Variants in CAMK2D observed in about 807,000 individuals in gnomAD.
CAMK2D encodes the protein calcium/calmodulin dependent protein kinase II delta.
In CAMK2D, 37 loss-of-function variants were observed where a neutral mutation model predicts 84.0. The ratio of observed to expected loss-of-function variants is 0.44; its 90% CI spans 0.34 to 0.58. The LOEUF (loss-of-function observed/expected upper bound fraction) is 0.58. CAMK2D is among the 20% of genes least tolerant of loss of function. CAMK2D has a pLI of 0.02. For synonymous variants in CAMK2D, 202 were observed against 212.5 expected (o/e 0.95, Z 0.43); for missense variants, 448 against 652.5 (o/e 0.69, Z 3.41).
chr4:113,672,041 G>A (rs2099289104), intron 2 of CAMK2D, among the ~76,000 whole-genome samples: 2 of 151,954 alleles, frequency 1.3e-5, no homozygotes, highest in Non-Finnish European at 2.9e-5. Context: ...TCCTTGTTAT[G>A]CTTATGAAAA....
intron 17 of CAMK2D, 86 bp downstream of exon 17, chr4:113,465,443 G>A (rs2097446670): frequency 1.3e-6 from 1 of 783,442 alleles, no homozygotes; most frequent in Non-Finnish European, 2.2e-6. Flanking sequence ...TTAAATATAT[G>A]TGAATTCAGA....
In CAMK2D at chr4:113,761,551, A is replaced by G. The variant is rs1365914092; in HGVS notation, c.-483T>C. The G allele has an allele frequency of 5.1e-6, 5 of 989,426 alleles. No homozygotes were observed. The highest frequency in any genetic ancestry group is 6.0e-6 in the Non-Finnish European group (5 of 832,602). 61.3% of individuals were successfully genotyped at this position (989,426 alleles called of 1,614,324 possible). ...GCCGAGGCCGCGGAGCCCAGAGCGG[A>G]CAGCCTGAGCCCAGCGGCCGCTGTC... is the stretch of plus-strand genomic sequence containing the variant. On this transcript the variant is annotated 5_prime_UTR_variant, in exon 1 of 21. Transcript: ENST00000511664.
At chr4:113,593,152 C>A (rs1395496584) in intron 4 of CAMK2D, among the ~76,000 whole-genome samples, 4 of 152,138 alleles carry the variant, frequency 2.6e-5, no homozygotes, top group Non-Finnish European at 4.4e-5. Flanking sequence ...CTGTGCCCAG[C>A]CTAAATTTAA....
At chr4:113,530,370 A>G (rs1382301444) in intron 8 of CAMK2D, among the ~76,000 whole-genome samples, 2 of 152,244 alleles carry the variant, frequency 1.3e-5, no homozygotes, top group African/African-American at 4.8e-5. Flanking sequence ...GCAACCCATC[A>G]CATGAGGTCA....
In CAMK2D at chr4:113,452,785, G is replaced by T. The variant is rs551224896; in HGVS notation, c.*1760C>A. Reference sequence around the variant, plus strand: ...ATTTTTTCACAGATCTCATTGGCAGGTTAACATGGCTCAATATATTTACTG... The same window carrying T: ...ATTTTTTCACAGATCTCATTGGCAGTTTAACATGGCTCAATATATTTACTG... On this transcript the variant is annotated 3_prime_UTR_variant, in exon 21 of 21. Coordinates refer to ENST00000511664, the MANE Select transcript of CAMK2D (RefSeq NM_001321571.2). 1.3e-5 allele frequency: 2 copies of T among 152,400 alleles called. No homozygotes were observed. Among genetic ancestry groups the T allele is most frequent in the Admixed American group, 6.6e-5 (1 of 15,256 alleles). The allele number at this position is 152,400 out of a possible 1,614,324, so 9.4% of individuals were successfully genotyped here. A position where few individuals can be genotyped will look rare whatever the true frequency, so the allele number is the denominator to read the frequency against.
chr4:113,688,264 C>G (rs1397813218), intron 2 of CAMK2D, among the ~76,000 whole-genome samples: 1 of 152,130 alleles, frequency 6.6e-6, no homozygotes, highest in African/African-American at 2.4e-5. Context: ...TCTGTGTGTT[C>G]CCAGAATTTC....
intron 4 of CAMK2D, among the ~76,000 whole-genome samples, chr4:113,606,206 C>T (rs1303776572): frequency 2.6e-5 from 4 of 152,136 alleles, no homozygotes; most frequent in African/African-American, 9.7e-5. Flanking sequence ...CACAGTGGCT[C>T]ATGCCTGTAA....
At chr4:113,588,788 A>G (rs963223328) in intron 4 of CAMK2D, among the ~76,000 whole-genome samples, 1 of 152,192 alleles carries the variant, frequency 6.6e-6, no homozygotes, top group African/African-American at 2.4e-5. Context: ...ATCAAAAGAG[A>G]AAAAAGTCCC....
intron 4 of CAMK2D, among the ~76,000 whole-genome samples, chr4:113,577,459 C>A (rs1270630144): frequency 6.6e-6 from 1 of 152,130 alleles, no homozygotes; most frequent in East Asian, 1.9e-4. Context: ...TCCATTCTCC[C>A]CCTCCTTCAT....
chr4:113,514,943 G>C, intron 10 of CAMK2D, 126 bp downstream of exon 10: 1 of 932,064 alleles, frequency 1.1e-6, no homozygotes, highest in Non-Finnish European at 1.7e-6. Context: ...AACACCTCGA[G>C]TCAAAAATTC....
At chr4:113,584,547 C>G (rs1036474163) in intron 4 of CAMK2D, among the ~76,000 whole-genome samples, 2 of 152,120 alleles carry the variant, frequency 1.3e-5, no homozygotes, top group Non-Finnish European at 2.9e-5. Context: ...CAATCATGAA[C>G]CAGAGAGGCT....
At position 113,725,057 on chromosome 4, in the gene CAMK2D, G is replaced by A. The variant is rs576560812; in HGVS notation, c.160+34263C>T. Among the ~76,000 whole-genome samples, 4 of 151,912 alleles carry A rather than the reference G, an allele frequency of 2.6e-5. No individual in the cohort carries two copies. The South Asian group carries it at 8.3e-4, about 32-fold the overall frequency. On this transcript the variant is annotated intron_variant, in intron 2 of 20. Coordinates refer to ENST00000511664, the MANE Select transcript of CAMK2D (RefSeq NM_001321571.2). Reference sequence around the variant, plus strand: ...TAATTTCCAAAGGATCCATTTCTCAGAAAATTTAAAAATAGATATGCATTA... The same window carrying A: ...TAATTTCCAAAGGATCCATTTCTCAAAAAATTTAAAAATAGATATGCATTA...
chr4:113,679,581 C>G (rs1166930439), intron 2 of CAMK2D: 6 of 298,420 alleles, frequency 2.0e-5, no homozygotes, highest in Non-Finnish European at 2.5e-5. Flanking sequence ...AGAGAAAAAG[C>G]AAATTTTTAA....
chr4:113,524,559 A>C (rs2098402007), intron 8 of CAMK2D, among the ~76,000 whole-genome samples: 1 of 152,212 alleles, frequency 6.6e-6, no homozygotes, highest in African/African-American at 2.4e-5. Flanking sequence ...CATTTGGGTT[A>C]CTTCCACCTC....
chr4:113,716,347 C>T (rs1470678201), intron 2 of CAMK2D, among the ~76,000 whole-genome samples: 2 of 152,078 alleles, frequency 1.3e-5, no homozygotes, highest in Non-Finnish European at 2.9e-5. Flanking sequence ...GTTGATGAAT[C>T]TTGAACAAAT....
chr4:113,529,457 G>A (rs1296113708), intron 8 of CAMK2D, among the ~76,000 whole-genome samples: 4 of 152,168 alleles, frequency 2.6e-5, no homozygotes, highest in Non-Finnish European at 2.9e-5. Context: ...CAAAGGCACT[G>A]AAATCTGTCT....
chr4:113,659,302 A>G (rs986770922), intron 3 of CAMK2D, among the ~76,000 whole-genome samples: 1 of 152,252 alleles, frequency 6.6e-6, no homozygotes, highest in Non-Finnish European at 1.5e-5. Context: ...AACCTGAGCA[A>G]GAGAAGTAAT....
At chr4:113,564,711 T>C (rs2098714262) in intron 4 of CAMK2D, among the ~76,000 whole-genome samples, 1 of 152,200 alleles carries the variant, frequency 6.6e-6, no homozygotes. Context: ...ATGAAATCAG[T>C]TAAAAAAGGG....
chr4:113,556,566 G>A (rs1240935177), intron 4 of CAMK2D, among the ~76,000 whole-genome samples: 3 of 152,074 alleles, frequency 2.0e-5, no homozygotes, highest in Non-Finnish European at 4.4e-5. Flanking sequence ...TCTATATTAC[G>A]AGTGTGCAGA....
Sources: gnomAD v4.1 joint callset for allele counts (sites outside exome capture counted in the v4.1 genomes callset) on GRCh38, gnomAD v4.1.1 for gene constraint, MANE v1.5 for transcripts, NCBI Gene and HGNC (gene_info 2026-07-23, HGNC 2026-07-21) for gene names.